PPP2R2B: variants seen among roughly 807,000 people sequenced by gnomAD.
PPP2R2B encodes the protein protein phosphatase 2 regulatory subunit Bbeta, also known as serine/threonine-protein phosphatase 2A 55 kDa regulatory subunit B beta isoform.
A neutral mutation model predicts 46.0 loss-of-function variants in PPP2R2B; 5 were observed. The observed-to-expected ratio is 0.11, with a 90% CI of 0.06 to 0.23. The LOEUF (loss-of-function observed/expected upper bound fraction) is 0.23. Ranked by LOEUF, PPP2R2B falls within the 10% of genes least tolerant of loss-of-function variation. The probability of loss-of-function intolerance (pLI) is 1.00; values close to 1 mark genes in which losing one functional copy is unlikely to be tolerated. For missense variants in PPP2R2B, 367 were observed against 575.0 expected (o/e 0.64, Z 3.70); for synonymous variants, 215 against 206.7 (o/e 1.04, Z -0.34).
At chr5:146,844,352 A>AT (rs1295098434) in intron 2 of PPP2R2B, among the ~76,000 whole-genome samples, 1 of 126,470 alleles carries the variant, frequency 7.9e-6, no homozygotes, top group Non-Finnish European at 1.6e-5. Context: ...TTAGAGTATA[A>AT]TAAAAAAAAA....
In PPP2R2B at chr5:146,691,119, T is replaced by G; in HGVS notation, c.447+9A>C. ...GACTGTGGTGGCCAGGGCAGCTGTT[T>G]GCACTCACCCGCAGGGTTGTGATGG... is the stretch of plus-strand genomic sequence containing the variant. On this transcript the variant is annotated intron_variant, in intron 5 of 9. Transcript: ENST00000394411. The G allele has an allele frequency of 6.2e-7, 1 of 1,612,786 alleles. No individual in the cohort carries two copies. The highest frequency in any genetic ancestry group is 2.2e-5 in the East Asian group (1 of 44,884).
intron 2 of PPP2R2B, among the ~76,000 whole-genome samples, chr5:146,854,211 CAG>C (rs2151385317): frequency 6.6e-6 from 1 of 152,208 alleles, no homozygotes; most frequent in African/African-American, 2.4e-5. Context: ...TTTAGAAAAT[CAG>C]AGAGAGCCCT....
In PPP2R2B at chr5:146,878,111, G is replaced by A; in HGVS notation, c.-40C>T. ...CTTGCGTGGGAACCAGAAGCCGGCA[G>A]ACAAGTATCCATGATCCCTCCCCGC... is the stretch of plus-strand genomic sequence containing the variant. On this transcript the variant is annotated 5_prime_UTR_variant, in exon 2 of 10. Coordinates refer to ENST00000394411, the MANE Select transcript of PPP2R2B (RefSeq NM_181675.4). This position sits in a 1 kb window ranked among gnomAD's most constrained non-coding sequence, Gnocchi z 4.5. 6.2e-7 allele frequency: 1 copy of A among 1,613,998 alleles called. No individual in the cohort carries two copies. The highest frequency in any genetic ancestry group is 8.5e-7 in the Non-Finnish European group (1 of 1,179,960).
intron 1 of PPP2R2B, among the ~76,000 whole-genome samples, chr5:147,018,538 T>A (rs1025609351): frequency 7.9e-5 from 12 of 152,206 alleles, no homozygotes; most frequent in Non-Finnish European, 1.8e-4. Flanking sequence ...TGGATTCTAT[T>A]ATTTCTAAGG....
chr5:146,751,150 G>A (rs578226028), intron 2 of PPP2R2B: 104 of 152,326 alleles, frequency 6.8e-4, no homozygotes, highest in African/African-American at 2.3e-3. Context: ...AATCCAAATC[G>A]TGGCATGAGG....
At chr5:146,815,385 C>A (rs1266271756) in intron 2 of PPP2R2B, among the ~76,000 whole-genome samples, 1 of 152,228 alleles carries the variant, frequency 6.6e-6, no homozygotes, top group Non-Finnish European at 1.5e-5. Flanking sequence ...AGCAGAGAGG[C>A]CATCTGTCAG....
chr5:146,925,940 T>C (rs1763768271), intron 1 of PPP2R2B, among the ~76,000 whole-genome samples: 1 of 152,040 alleles, frequency 6.6e-6, no homozygotes, highest in Non-Finnish European at 1.5e-5. Context: ...AAATTTTAAA[T>C]TACCATTATT....
intron 2 of PPP2R2B, among the ~76,000 whole-genome samples, chr5:146,746,168 G>C (rs2151228363): frequency 6.6e-6 from 1 of 152,208 alleles, no homozygotes; most frequent in South Asian, 2.1e-4. Flanking sequence ...AATTAGGCTG[G>C]GGACCCAGAG....
intron 2 of PPP2R2B, among the ~76,000 whole-genome samples, chr5:146,851,217 A>C (rs1760329264): frequency 6.6e-6 from 1 of 152,100 alleles, no homozygotes; most frequent in Non-Finnish European, 1.5e-5. Context: ...TTTATTTCAC[A>C]ATATCTCAAA....
At chr5:147,002,947 C>T (rs1754248087) in intron 1 of PPP2R2B, among the ~76,000 whole-genome samples, 1 of 152,052 alleles carries the variant, frequency 6.6e-6, no homozygotes, top group Admixed American at 6.5e-5. Context: ...CCAATTTGAC[C>T]CACAAACCCT....
chr5:146,712,855 G>T (rs1271856841), intron 2 of PPP2R2B, among the ~76,000 whole-genome samples: 1 of 152,104 alleles, frequency 6.6e-6, no homozygotes, highest in Non-Finnish European at 1.5e-5. Context: ...TCAAGATTTA[G>T]GGTTAATTAA....
At chr5:146,730,594 G>T (rs1752167923) in intron 2 of PPP2R2B, among the ~76,000 whole-genome samples, 1 of 152,190 alleles carries the variant, frequency 6.6e-6, no homozygotes, top group Non-Finnish European at 1.5e-5. Context: ...ATGAGGGCCA[G>T]TCTTTCCCGT....
rs1777530368 is a variant in PPP2R2B at position 146,673,831 on chromosome 5, T to TC, written c.447+17296dup. On this transcript the variant is annotated intron_variant, in intron 5 of 9. Coordinates refer to ENST00000394411, the MANE Select transcript of PPP2R2B (RefSeq NM_181675.4). ...GCATTAGAGGTTGAACTCACTTACC[T>TC]CCCTTTATCCACAGAATCTCAAACT... is the stretch of plus-strand genomic sequence containing the variant. Among the ~76,000 whole-genome samples the TC allele has an allele frequency of 4.6e-5, 7 of 152,286 alleles. No individual in the cohort carries two copies. The South Asian group carries it at 1.5e-3, about 32-fold the overall frequency.
intron 1 of PPP2R2B, among the ~76,000 whole-genome samples, chr5:146,926,171 G>A (rs117871412): frequency 6.6e-6 from 1 of 151,914 alleles, no homozygotes; most frequent in South Asian, 2.1e-4. Flanking sequence ...CTTTTCTTGA[G>A]TATGGGTAAC....
chr5:146,990,489 A>T (rs186698896), intron 1 of PPP2R2B, among the ~76,000 whole-genome samples: 456 of 152,258 alleles, frequency 3.0e-3, no homozygotes, highest in Admixed American at 4.8e-3. Flanking sequence ...GTCCCAATAA[A>T]TGGTGGTGGA....
chr5:146,830,529 CT>C (rs56686117), intron 2 of PPP2R2B, among the ~76,000 whole-genome samples: 433 of 143,862 alleles, frequency 3.0e-3, no homozygotes, highest in Middle Eastern at 7.2e-3. Flanking sequence ...TGTATATTGG[CT>C]TTTTTTTTTT....
rs565200466 is a variant in PPP2R2B, at chr5:146,656,904, T to C, written c.448-6180A>G. 1.4e-4 allele frequency among the ~76,000 whole-genome samples: 21 copies of C among 152,272 alleles called. No individual in the cohort carries two copies. In the South Asian group the frequency reaches 3.9e-3, roughly 29 times the overall value. On this transcript the variant is annotated intron_variant, in intron 5 of 9. Coordinates refer to ENST00000394411, the MANE Select transcript of PPP2R2B (RefSeq NM_181675.4). ...TGTCTCTGCTCACCCGCTTTGAGTCTTCCTCCCTCAGGTTCTTATTATCTT... is the reference window on the plus strand; with the variant it reads ...TGTCTCTGCTCACCCGCTTTGAGTCCTCCTCCCTCAGGTTCTTATTATCTT...
rs1772717637 is a variant in PPP2R2B at position 146,609,984 on chromosome 5, T to C, written c.791-9524A>G. ...AAGCAGCCGGGAAGCTCGAACTGGG[T>C]GGAGCCCACCACAGCTCAAGGAGGC... is the stretch of plus-strand genomic sequence containing the variant. On this transcript the variant is annotated intron_variant, in intron 7 of 9. Coordinates refer to ENST00000394411, the MANE Select transcript of PPP2R2B (RefSeq NM_181675.4). Among the ~76,000 whole-genome samples, 5 of 140,124 alleles carry C rather than the reference T, an allele frequency of 3.6e-5. 1 individual carries two copies. Among genetic ancestry groups the C allele is most frequent in the South Asian group, 4.7e-4 (2 of 4,228 alleles). The allele number at this position is 140,124 out of a possible 152,430, so 91.9% of individuals were successfully genotyped here. A position where few individuals can be genotyped will look rare whatever the true frequency, so the allele number is the denominator to read the frequency against.
intron 9 of PPP2R2B, 93 bp from the exon 10 acceptor site, chr5:146,590,319 T>C (rs1376212911): frequency 3.0e-6 from 4 of 1,343,448 alleles, no homozygotes; most frequent in African/African-American, 1.5e-5. Flanking sequence ...TATGACACCA[T>C]AGGTTTTATT....
Sources: gnomAD v4.1 joint callset for allele counts (sites outside exome capture counted in the v4.1 genomes callset) on GRCh38, gnomAD v4.1.1 for gene constraint, Gnocchi (gnomAD v3.1) non-coding constraint, MANE v1.5 for transcripts, NCBI Gene and HGNC (gene_info 2026-07-23, HGNC 2026-07-21) for gene names.